The following PTDSS1 variants were observed in gnomAD, a reference collection of about 807,000 sequenced individuals.
PTDSS1 encodes the protein phosphatidylserine synthase 1, also known as PSS-1.
A neutral mutation model predicts 70.5 loss-of-function variants in PTDSS1; 45 were observed. The observed-to-expected ratio is 0.64, with a 90% confidence interval of 0.50 to 0.82. The LOEUF (loss-of-function observed/expected upper bound fraction) is 0.82. PTDSS1 is among the 40% of genes least tolerant of loss of function. The pLI is 0.00. For missense variants in PTDSS1, 417 were observed against 586.1 expected (o/e 0.71, Z 2.98); for synonymous variants, 188 against 203.8 (o/e 0.92, Z 0.66).
chr8:96,274,386 T>A (rs994346137), intron 2 of PTDSS1, among the ~76,000 whole-genome samples: 1 of 152,178 alleles, frequency 6.6e-6, no homozygotes, highest in Non-Finnish European at 1.5e-5. Context: ...ATGGTGGCAG[T>A]GGAATTTTGT....
rs1811569264 is a variant in PTDSS1, at chr8:96,334,560, C to G, written c.*994C>G. 1 of 152,616 alleles carries G rather than the reference C, an allele frequency of 6.6e-6. No homozygotes were observed. The highest frequency in any genetic ancestry group is 1.5e-5 in the Non-Finnish European group (1 of 68,046). The allele number at this position is 152,616 out of a possible 1,614,324, so 9.5% of individuals were successfully genotyped here. ...ACTTTAAAGCCTATCAAAGGTCTGTCTGTAAAATGCTCATTTTCTTGCATC... is the reference window on the plus strand; with the variant it reads ...ACTTTAAAGCCTATCAAAGGTCTGTGTGTAAAATGCTCATTTTCTTGCATC... On this transcript the variant is annotated 3_prime_UTR_variant, in exon 13 of 13. Transcript: ENST00000517309.
rs1465527798 is a variant in PTDSS1, at chr8:96,268,408, G to A, written c.180-4891G>A. Among the ~76,000 whole-genome samples the A allele has an allele frequency of 5.9e-5, 9 of 152,250 alleles. No homozygotes were observed. In the East Asian group the frequency reaches 9.6e-4, roughly 16 times the overall value. ...AAAAGTAATGAGGGAGAAGATGGGA[G>A]GGGGAGAGGGACAATTAACCTAGAA... On this transcript the variant is annotated intron_variant, in intron 1 of 12. Coordinates refer to ENST00000517309, the MANE Select transcript of PTDSS1 (RefSeq NM_014754.3).
At chr8:96,310,153 A>G (rs932912935) in intron 9 of PTDSS1, among the ~76,000 whole-genome samples, 1 of 150,196 alleles carries the variant, frequency 6.7e-6, no homozygotes, top group Non-Finnish European at 1.5e-5. Context: ...ACAGACAAAA[A>G]GAAATGGATC....
intron 3 of PTDSS1, among the ~76,000 whole-genome samples, chr8:96,285,247 G>A (rs1810805396): frequency 6.6e-6 from 1 of 152,164 alleles, no homozygotes; most frequent in Admixed American, 6.5e-5. Flanking sequence ...CTGGGGGAGG[G>A]GAGCATCCCA....
At chr8:96,286,069 C>T (rs1252260401) in intron 3 of PTDSS1, among the ~76,000 whole-genome samples, 1 of 152,158 alleles carries the variant, frequency 6.6e-6, no homozygotes, top group Non-Finnish European at 1.5e-5. Flanking sequence ...AGGTCTGGCA[C>T]TATAGCGCTT....
Position 96,311,790 on chromosome 8 carries a change from A to G in PTDSS1, c.1073+2168A>G, listed in dbSNP as rs983528097. Among the ~76,000 whole-genome samples, 4 of 152,220 alleles carry G rather than the reference A, an allele frequency of 2.6e-5. No homozygotes were observed. The South Asian group carries it at 6.2e-4, about 24-fold the overall frequency. ...TGATATAGCAGGAGGGAGAATTCACACATCTCCCAGATTTCTGACAGCGCA... is the reference window on the plus strand; with the variant it reads ...TGATATAGCAGGAGGGAGAATTCACGCATCTCCCAGATTTCTGACAGCGCA... On this transcript the variant is annotated intron_variant, in intron 9 of 12. Transcript: ENST00000517309.
At chr8:96,291,461 T>C (rs1263953305) in intron 4 of PTDSS1, among the ~76,000 whole-genome samples, 1 of 151,766 alleles carries the variant, frequency 6.6e-6, no homozygotes, top group Non-Finnish European at 1.5e-5. Context: ...TCTTTTTTTT[T>C]TTTTTTTTGG....
In PTDSS1 at chr8:96,288,966, G is replaced by A. The variant is rs1035128099; in HGVS notation, c.441+1820G>A. The stretch of plus-strand genomic sequence containing the variant: ...TTTTTTCTTTCCAAGACGGAGTCTC[G>A]CTCTGTCACCCAGGCTGGAATGTAG... On this transcript the variant is annotated intron_variant, in intron 4 of 12. Transcript: ENST00000517309. Among the ~76,000 whole-genome samples the A allele has an allele frequency of 4.0e-5, 6 of 149,202 alleles. No homozygotes were observed. In the South Asian group the frequency reaches 1.3e-3, roughly 32 times the overall value.
chr8:96,262,273 GAGGGAGGGTGGC>G lies in PTDSS1; in HGVS notation c.179+55_179+66del. On this transcript the variant is annotated intron_variant, in intron 1 of 12. Transcript: ENST00000517309. This position sits in a 1 kb window ranked among gnomAD's most constrained non-coding sequence, Gnocchi z 4.4. The stretch of plus-strand genomic sequence containing the variant: ...CGTCCAAGGGCTAGGGAAGAGGCGG[GAGGGAGGGTGGC>G]GGGGAGGGGGGCCCGGCATGGCTCT... 1.0e-5 allele frequency: 14 copies of G among 1,344,958 alleles called. No individual in the cohort carries two copies. Among genetic ancestry groups the G allele is most frequent in the Admixed American group, 3.7e-5 (2 of 54,706 alleles). The allele number at this position is 1,344,958 out of a possible 1,614,324, so 83.3% of individuals were successfully genotyped here.
Position 96,295,112 on chromosome 8 carries a change from C to T in PTDSS1, c.456C>T (p.Asn152=), listed in dbSNP as rs1192885817. ...ATTTTAAATAGGAGTATGCTGTGAACTGCCATGTGATCACCTGGGAGAGGA... is the reference window on the plus strand; with the variant it reads ...ATTTTAAATAGGAGTATGCTGTGAATTGCCATGTGATCACCTGGGAGAGGA... ...READVMEYAV[N]CHVITWERII... Residue 152 remains asparagine, a synonymous_variant, in exon 5 of 13, where the codon AAC becomes AAT. Coordinates refer to ENST00000517309, the MANE Select transcript of PTDSS1 (RefSeq NM_014754.3). 1 of 1,613,232 alleles carries T rather than the reference C, an allele frequency of 6.2e-7. No homozygotes were observed. The highest frequency in any genetic ancestry group is 1.1e-5 in the South Asian group (1 of 90,892).
intron 2 of PTDSS1, among the ~76,000 whole-genome samples, chr8:96,274,694 C>T (rs1457420593): frequency 6.6e-6 from 1 of 152,164 alleles, no homozygotes. Flanking sequence ...CATTGTACTC[C>T]AGCCTGGGAA....
intron 2 of PTDSS1, among the ~76,000 whole-genome samples, chr8:96,274,572 A>G (rs1055779973): frequency 6.6e-6 from 1 of 152,136 alleles, no homozygotes; most frequent in African/African-American, 2.4e-5. Context: ...CTAAAAATAC[A>G]AAATTAGCCA....
intron 10 of PTDSS1, among the ~76,000 whole-genome samples, chr8:96,328,619 G>A (rs1811471209): frequency 6.6e-6 from 1 of 152,230 alleles, no homozygotes; most frequent in African/African-American, 2.4e-5. Context: ...CGCTGCCACT[G>A]TTCCTGCTTC....
At chr8:96,320,410 G>GTTTCTTTGCCCCCCTCC in intron 10 of PTDSS1, 65 bp downstream of exon 10, 1 of 1,370,776 alleles carries the variant, frequency 7.3e-7, no homozygotes, top group Non-Finnish European at 1.0e-6. Context: ...TAAACGGAGG[G>GTTTCTTTGCCCCCCTCC]GGGCAAAGAA....
At chr8:96,284,461 T>G (rs1187442644) in intron 3 of PTDSS1, among the ~76,000 whole-genome samples, 1 of 152,238 alleles carries the variant, frequency 6.6e-6, no homozygotes, top group Non-Finnish European at 1.5e-5. Flanking sequence ...GTTTTCATAG[T>G]GCTTTTTACT....
chr8:96,276,978 G>GCACACACACA (rs1157385221), intron 2 of PTDSS1, among the ~76,000 whole-genome samples: 128 of 129,740 alleles, frequency 9.9e-4, no homozygotes, highest in African/African-American at 2.6e-3. Context: ...GCGCACGCGC[G>GCACACACACA]CGCACACACA....
At position 96,295,124 on chromosome 8, in the gene PTDSS1, C is replaced by T; in HGVS notation, c.468C>T (p.Ile156=). 6.2e-7 allele frequency: 1 copy of T among 1,613,598 alleles called. No homozygotes were observed. The change falls in exon 5 of 13, where the codon ATC becomes ATT. Residue 156 remains isoleucine, a synonymous_variant. Transcript: ENST00000517309. ...VMEYAVNCHV[I]TWERIISHFD... is the part of the protein sequence containing the mutation. ...AGTATGCTGTGAACTGCCATGTGATCACCTGGGAGAGGATTATCAGCCACT... is the reference window on the plus strand; with the variant it reads ...AGTATGCTGTGAACTGCCATGTGATTACCTGGGAGAGGATTATCAGCCACT...
At chr8:96,280,562 G>A (rs1387720206) in intron 2 of PTDSS1, among the ~76,000 whole-genome samples, 4 of 151,786 alleles carry the variant, frequency 2.6e-5, no homozygotes, top group East Asian at 1.9e-4. Flanking sequence ...GGTGAGACTC[G>A]TCTCAAAAAA....
chr8:96,311,577 G>A (rs2130130601), intron 9 of PTDSS1, among the ~76,000 whole-genome samples: 1 of 152,232 alleles, frequency 6.6e-6, no homozygotes, highest in East Asian at 1.9e-4. Flanking sequence ...AGATTCTGAA[G>A]GGTGACATAG....
Sources: allele counts gnomAD v4.1 joint callset (sites outside exome capture counted in the v4.1 genomes callset), GRCh38; gene constraint gnomAD v4.1.1; non-coding constraint Gnocchi (gnomAD v3.1); transcripts MANE v1.5; gene names NCBI Gene and HGNC (gene_info 2026-07-23, HGNC 2026-07-21).